The following STARD13 variants were observed in gnomAD, a reference collection of about 807,000 sequenced individuals.
STARD13 encodes the protein stAR-related lipid transfer protein 13.
A neutral mutation model predicts 106.4 loss-of-function variants in STARD13; 62 were observed. That is an observed-to-expected ratio of 0.58 (90% CI 0.48 to 0.72). The LOEUF is 0.72. STARD13 is among the 30% of genes least tolerant of loss of function. The pLI is 0.00. For synonymous variants in STARD13, 565 were observed against 553.0 expected, an observed-to-expected ratio of 1.02 and a Z score of -0.31; for missense variants, 1,387 against 1,424.0, an observed-to-expected ratio of 0.97 and a Z score of 0.42.
chr13:33,197,924 A>G (rs1312702813), intron 1 of STARD13, among the ~76,000 whole-genome samples: 1 of 152,194 alleles, frequency 6.6e-6, no homozygotes, highest in Admixed American at 6.5e-5. Flanking sequence ...CAATCCCAGC[A>G]CTTTAGGAGG....
the STARD13 span, among the ~76,000 whole-genome samples, chr13:33,470,568 C>T: frequency 6.6e-6 from 1 of 152,202 alleles, no homozygotes; most frequent in Admixed American, 6.5e-5. Flanking sequence ...TATTTCTCCA[C>T]ATCCTCTCCA....
chr13:33,450,660 A>G, the STARD13 span, among the ~76,000 whole-genome samples: 1 of 152,204 alleles, frequency 6.6e-6, no homozygotes, highest in South Asian at 2.1e-4. Context: ...GTTTAGATAT[A>G]CAAGACATAA....
chr13:33,296,103 A>T (rs932815133), intron 1 of STARD13, among the ~76,000 whole-genome samples: 1 of 151,842 alleles, frequency 6.6e-6, no homozygotes, highest in African/African-American at 2.4e-5. Context: ...GTGGCTCGTT[A>T]CTGTAATCCC....
At chr13:33,554,616 T>A in the STARD13 span, among the ~76,000 whole-genome samples, 5 of 152,212 alleles carry the variant, frequency 3.3e-5, no homozygotes, top group Non-Finnish European at 7.3e-5. Context: ...TACCTAATAT[T>A]TATTATTTTT....
the STARD13 span, among the ~76,000 whole-genome samples, chr13:33,623,518 C>T: frequency 4.7e-5 from 7 of 148,494 alleles, no homozygotes; most frequent in Non-Finnish European, 7.4e-5. Flanking sequence ...TATGTATGTA[C>T]ATACATACAA....
At chr13:33,532,902 C>T in the STARD13 span, among the ~76,000 whole-genome samples, 1 of 152,070 alleles carries the variant, frequency 6.6e-6, no homozygotes, top group African/African-American at 2.4e-5. Context: ...TTCTTGTGGA[C>T]CAGATGGGCA....
intron 7 of STARD13, among the ~76,000 whole-genome samples, chr13:33,123,764 C>G (rs1276264106): frequency 6.6e-6 from 1 of 152,210 alleles, no homozygotes. Context: ...GTGTCAGGCT[C>G]TGTGGGGCAG....
chr13:33,171,555 T>C lies in STARD13; in HGVS notation c.170-3933A>G, dbSNP rs543347930. ...CAAGGAGCCTCTTCTACATGGTTTA[T>C]GTAGGGCTGACGCCTCTTGCCTCCA... On this transcript the variant is annotated intron_variant, in intron 1 of 13. Coordinates refer to ENST00000336934, the MANE Select transcript of STARD13 (RefSeq NM_178006.4). Among the ~76,000 whole-genome samples the C allele has an allele frequency of 7.2e-5, 11 of 152,358 alleles. No homozygotes were observed. The South Asian group carries it at 1.4e-3, about 20-fold the overall frequency.
chr13:33,284,811 T>C lies in STARD13; in HGVS notation c.169+659A>G, dbSNP rs7330817. On this transcript the variant is annotated intron_variant, in intron 1 of 13. Transcript: ENST00000336934. Reference sequence around the variant, plus strand: ...TTTGAGGGGCTGGGAATAAAAAGAATATCAAGCAGCTTATAATCAATATTC... The same window carrying C: ...TTTGAGGGGCTGGGAATAAAAAGAACATCAAGCAGCTTATAATCAATATTC... Among the ~76,000 whole-genome samples the C allele has an allele frequency of 7.2e-3, 1,089 of 152,124 alleles. 8 individuals are homozygous for C. The highest frequency in any genetic ancestry group is 0.025 in the African/African-American group (1,024 of 41,484).
At chr13:33,205,574 T>C (rs1887359123) in intron 1 of STARD13, among the ~76,000 whole-genome samples, 1 of 152,220 alleles carries the variant, frequency 6.6e-6, no homozygotes, top group Non-Finnish European at 1.5e-5. Context: ...AACAATTCTC[T>C]CTGAGATTAA....
At chr13:33,165,536 T>A in intron 2 of STARD13, 118 bp from the exon 3 acceptor site, 1 of 750,306 alleles carries the variant, frequency 1.3e-6, no homozygotes, top group Non-Finnish European at 2.3e-6. Flanking sequence ...CTGCCCATCA[T>A]CATTGTTGGG....
Position 33,112,786 on chromosome 13 carries a change from GTTCA to G in STARD13, c.2423_2426del (p.Met808ThrfsTer16). The G allele has an allele frequency of 6.2e-7, 1 of 1,613,818 alleles. No individual in the cohort carries two copies. The highest frequency in any genetic ancestry group is 8.5e-7 in the Non-Finnish European group (1 of 1,179,864). On this transcript the variant is annotated frameshift_variant, in exon 9 of 14. Coordinates refer to ENST00000336934, the MANE Select transcript of STARD13 (RefSeq NM_178006.4). LOFTEE classifies it high-confidence loss of function. ...GGGAGGGGGCCAGACACACTGCCAG[GTTCA>G]TGGGCGTCATCTGATTCTCTTCCAC...
chr13:33,413,413 G>A, the STARD13 span, among the ~76,000 whole-genome samples: 2 of 151,892 alleles, frequency 1.3e-5, no homozygotes, highest in African/African-American at 2.4e-5. Context: ...ATAAAGACGA[G>A]AGCAGAAGTT....
At chr13:33,362,981 T>C in the STARD13 span, among the ~76,000 whole-genome samples, 1 of 152,094 alleles carries the variant, frequency 6.6e-6, no homozygotes, top group African/African-American at 2.4e-5. Context: ...CCTAGAAGAG[T>C]CTGTCCTGCA....
At chr13:33,437,535 C>T in the STARD13 span, among the ~76,000 whole-genome samples, 1 of 152,100 alleles carries the variant, frequency 6.6e-6, no homozygotes, top group African/African-American at 2.4e-5. Flanking sequence ...GATGGAAAGC[C>T]AAATTAGGAA....
At chr13:33,377,534 G>A in the STARD13 span, among the ~76,000 whole-genome samples, 76 of 151,948 alleles carry the variant, frequency 5.0e-4, no homozygotes, top group African/African-American at 3.6e-4. Flanking sequence ...AAATGTTATC[G>A]TAGACTCATG....
the STARD13 span, among the ~76,000 whole-genome samples, chr13:33,481,876 G>A: frequency 6.6e-6 from 1 of 151,782 alleles, no homozygotes; most frequent in Non-Finnish European, 1.5e-5. Flanking sequence ...CCAGCTACTC[G>A]GGAGGCTGAG....
chr13:33,191,914 T>C (rs965166819), intron 1 of STARD13, among the ~76,000 whole-genome samples: 2 of 152,266 alleles, frequency 1.3e-5, no homozygotes, highest in Admixed American at 6.5e-5. Context: ...CAGTCAGTTA[T>C]TGTAAGACAG....
At chr13:33,509,789 G>C in the STARD13 span, among the ~76,000 whole-genome samples, 1 of 152,196 alleles carries the variant, frequency 6.6e-6, no homozygotes, top group African/African-American at 2.4e-5. Flanking sequence ...ACAGCCCAGA[G>C]AATGCCTAAC....
Sources: allele counts gnomAD v4.1 joint callset (sites outside exome capture counted in the v4.1 genomes callset), GRCh38; gene constraint gnomAD v4.1.1; transcripts MANE v1.5; gene names NCBI Gene and HGNC (gene_info 2026-07-23, HGNC 2026-07-21).